The following FANCA variants were observed in gnomAD, a reference collection of about 807,000 sequenced individuals.
The protein encoded by FANCA is Fanconi anemia group A protein.
A neutral mutation model predicts 194.3 loss-of-function variants in FANCA; 236 were observed. The observed-to-expected ratio is 1.21, with a 90% confidence interval of 1.09 to 1.35. The LOEUF (loss-of-function observed/expected upper bound fraction) is 1.35. Ranked by LOEUF, FANCA falls within the 40% of genes most tolerant of loss-of-function variation. FANCA has a pLI of 0.00. For synonymous variants in FANCA, 1,014 were observed against 715.8 expected, an observed-to-expected ratio of 1.42 and a Z score of -6.65; for missense variants, 2,628 against 1,813.9, an observed-to-expected ratio of 1.45 and a Z score of -8.15.
chr16:89,765,814 A>T (rs1249886967), intron 27 of FANCA, among the ~76,000 whole-genome samples: 1 of 152,194 alleles, frequency 6.6e-6, no homozygotes, highest in Admixed American at 6.5e-5. Flanking sequence ...GTTTTCTTTA[A>T]AAACTTGGCA....
rs544923702 is a variant in FANCA, at chr16:89,771,708, G to A, written c.2121C>T (p.Asn707=). 2 of 1,614,194 alleles carry A rather than the reference G, an allele frequency of 1.2e-6. No individual in the cohort carries two copies. The highest frequency in any genetic ancestry group is 1.3e-5 in the African/African-American group (1 of 75,052). Residue 707 remains asparagine (N), a synonymous_variant, in exon 23 of 43, where the codon AAC becomes AAT. Coordinates refer to ENST00000389301, the MANE Select transcript of FANCA (RefSeq NM_000135.4). ...VEISKIQLSI[N]TPRLEPREHM... ...GTTCCCGTGGCTCCAGTCTCGGCGT[G>A]TTGATGCTGAGCTGAATCTTTGATA...
At chr16:89,796,315 G>A (rs767392151) in intron 10 of FANCA, among the ~76,000 whole-genome samples, 1 of 152,170 alleles carries the variant, frequency 6.6e-6, no homozygotes, top group Non-Finnish European at 1.5e-5. Context: ...GAAACAGGTT[G>A]GGAAGGGCAG....
In FANCA at chr16:89,791,222, C is replaced by T. The variant is rs1236137381; in HGVS notation, c.1359+181G>A. 25 of 796,262 alleles carry T rather than the reference C, an allele frequency of 3.1e-5. No homozygotes were observed. The East Asian group carries it at 4.8e-4, about 15-fold the overall frequency. The allele number at this position is 796,262 out of a possible 1,614,324, so 49.3% of individuals were successfully genotyped here. A position where few individuals can be genotyped will look rare whatever the true frequency, so the allele number is the denominator to read the frequency against. Reference sequence around the variant, plus strand: ...TGCAGAGGAAGATCCGCTGAGGCCCCGACAGGGAGAACCCAGGCTCCTCGG... The same window carrying T: ...TGCAGAGGAAGATCCGCTGAGGCCCTGACAGGGAGAACCCAGGCTCCTCGG... On this transcript the variant is annotated intron_variant, in intron 14 of 42. Coordinates refer to ENST00000389301, the MANE Select transcript of FANCA (RefSeq NM_000135.4).
chr16:89,750,482 CA>C (rs745845600), intron 31 of FANCA, among the ~76,000 whole-genome samples: 4 of 109,892 alleles, frequency 3.6e-5, no homozygotes, highest in Non-Finnish European at 8.1e-5. Context: ...GACTCCGTCT[CA>C]AAAAAAAACA....
In FANCA at chr16:89,784,845, G is replaced by C. The variant is rs755657925; in HGVS notation, c.1470+9C>G. 1 of 1,603,080 alleles carries C rather than the reference G, an allele frequency of 6.2e-7. No individual in the cohort carries two copies. Among genetic ancestry groups the C allele is most frequent in the Non-Finnish European group, 8.5e-7 (1 of 1,169,958 alleles). On this transcript the variant is annotated intron_variant, in intron 15 of 42. Transcript: ENST00000389301. Reference sequence around the variant, plus strand: ...CCAGAAATCATGGATGTGGCAGCCAGCTTCTCACCTGCAGGTACCGGGGAG... The same window carrying C: ...CCAGAAATCATGGATGTGGCAGCCACCTTCTCACCTGCAGGTACCGGGGAG...
chr16:89,810,662 A>T, intron 5 of FANCA, 45 bp downstream of exon 5: 1 of 1,259,792 alleles, frequency 7.9e-7, no homozygotes, highest in Non-Finnish European at 1.2e-6. Context: ...TCAACAGAAC[A>T]TTGCCTGGAA....
rs775127852 is a variant in FANCA at position 89,737,862 on chromosome 16, C to G, written c.*739G>C. 5 of 1,614,200 alleles carry G rather than the reference C, an allele frequency of 3.1e-6. No homozygotes were observed. Among genetic ancestry groups the G allele is most frequent in the Non-Finnish European group, 4.2e-6 (5 of 1,180,054 alleles). ...ACAAACCTTCAAGCAGCGGAAGCAC[C>G]TTCTCGTCCACCAAATGCGACATTC... On this transcript the variant is annotated 3_prime_UTR_variant, in exon 43 of 43. Coordinates refer to ENST00000389301, the MANE Select transcript of FANCA (RefSeq NM_000135.4).
chr16:89,766,504 G>T (rs952658357), intron 27 of FANCA, among the ~76,000 whole-genome samples: 6 of 151,814 alleles, frequency 4.0e-5, no homozygotes, highest in Admixed American at 3.9e-4. Context: ...GAGGTCAGGA[G>T]TTCGAAAACA....
chr16:89,785,849 T>G (rs2039875576), intron 14 of FANCA, among the ~76,000 whole-genome samples: 1 of 117,948 alleles, frequency 8.5e-6, no homozygotes, highest in Non-Finnish European at 1.6e-5. Flanking sequence ...GCGTGCAAAA[T>G]TGTGTTTTGT....
chr16:89,805,224 T>C (rs973513526), intron 7 of FANCA, 56 bp downstream of exon 7: 22 of 1,363,308 alleles, frequency 1.6e-5, no homozygotes, highest in Non-Finnish European at 2.3e-5. Context: ...GCAGAAGGCA[T>C]TATCACAGAT....
chr16:89,807,539 T>C (rs1206393021), intron 6 of FANCA, among the ~76,000 whole-genome samples: 3 of 151,568 alleles, frequency 2.0e-5, no homozygotes, highest in Admixed American at 6.6e-5. Flanking sequence ...CACCTGAGGT[T>C]AGGAGTTTGA....
At chr16:89,812,799 C>T (rs2040948704) in intron 3 of FANCA, among the ~76,000 whole-genome samples, 1 of 151,788 alleles carries the variant, frequency 6.6e-6, no homozygotes, top group Non-Finnish European at 1.5e-5. Flanking sequence ...CTGCAGGAGG[C>T]CGAGGCGGGT....
intron 9 of FANCA, 26 bp from the exon 10 acceptor site, chr16:89,799,258 A>G: frequency 6.2e-7 from 1 of 1,613,516 alleles, no homozygotes; most frequent in Non-Finnish European, 8.5e-7. Flanking sequence ...GGAACAGAAA[A>G]CAGATGTCAG....
At chr16:89,798,380 C>T in intron 10 of FANCA, 1 of 1,050,108 alleles carries the variant, frequency 9.5e-7, no homozygotes, top group Non-Finnish European at 1.2e-6. Context: ...GTGCTTTATT[C>T]ACTGTTTCAG....
intron 14 of FANCA, among the ~76,000 whole-genome samples, chr16:89,790,802 G>A (rs1045402562): frequency 6.6e-6 from 1 of 150,934 alleles, no homozygotes; most frequent in Non-Finnish European, 1.5e-5. Flanking sequence ...ATCCACTTCT[G>A]TGTCCCCTCT....
intron 14 of FANCA, among the ~76,000 whole-genome samples, chr16:89,789,035 A>T (rs942707998): frequency 6.6e-6 from 1 of 151,886 alleles, no homozygotes; most frequent in African/African-American, 2.4e-5. Flanking sequence ...CGGCTCGGGG[A>T]GACCCATCAA....
In FANCA at chr16:89,784,893, C is replaced by T. The variant is rs776871665; in HGVS notation, c.1431G>A (p.Leu477=). 3.1e-6 allele frequency: 5 copies of T among 1,614,040 alleles called. 1 individual carries two copies. In the East Asian group the frequency reaches 8.9e-5, roughly 29 times the overall value. Residue 477 remains leucine (L), a synonymous_variant, in exon 15 of 43, where the codon TTG becomes TTA. Coordinates refer to ENST00000389301, the MANE Select transcript of FANCA (RefSeq NM_000135.4). ...KKALVFLFTF[L]SELVPFESPR... is the part of the protein sequence containing the mutation. ...GAGACTCAAAAGGCACGAGTTCTGACAAGAACGTAAACAGGAAGACCAGGG... is the reference window on the plus strand; with the variant it reads ...GAGACTCAAAAGGCACGAGTTCTGATAAGAACGTAAACAGGAAGACCAGGG...
At chr16:89,790,237 A>G (rs1425423877) in intron 14 of FANCA, among the ~76,000 whole-genome samples, 1 of 151,628 alleles carries the variant, frequency 6.6e-6, no homozygotes. Flanking sequence ...CCCTGTCTCT[A>G]CTAAAAATTA....
chr16:89,777,029 G>T (rs928917562), intron 20 of FANCA, among the ~76,000 whole-genome samples: 2 of 152,106 alleles, frequency 1.3e-5, no homozygotes, highest in Non-Finnish European at 2.9e-5. Context: ...GGGCAACACA[G>T]CGAAAATCCG....
Sources: allele counts gnomAD v4.1 joint callset (sites outside exome capture counted in the v4.1 genomes callset), GRCh38; gene constraint gnomAD v4.1.1; transcripts MANE v1.5; gene names NCBI Gene and HGNC (gene_info 2026-07-23, HGNC 2026-07-21).